The following RNFT2 variants were observed in gnomAD, a reference collection of about 807,000 sequenced individuals.
RNFT2 encodes E3 ubiquitin-protein ligase RNFT2.
Under a neutral mutation model 53.0 loss-of-function variants are expected in RNFT2, and 36 were observed. The ratio of observed to expected loss-of-function variants is 0.68; its 90% CI spans 0.52 to 0.90. RNFT2 has a LOEUF of 0.90. Among genes scored for constraint, RNFT2 ranks in the 40% least tolerant of loss-of-function variants. The pLI is 0.00. For missense variants in RNFT2, 514 were observed against 585.6 expected, an observed-to-expected ratio of 0.88 and a Z score of 1.26; for synonymous variants, 260 against 253.2, an observed-to-expected ratio of 1.03 and a Z score of -0.26.
At chr12:116,756,669 G>C (rs1265921837) in intron 5 of RNFT2, among the ~76,000 whole-genome samples, 1 of 152,134 alleles carries the variant, frequency 6.6e-6, no homozygotes, top group African/African-American at 2.4e-5. Flanking sequence ...TGCATCCCTG[G>C]TATGAAACCC....
intron 7 of RNFT2, among the ~76,000 whole-genome samples, chr12:116,799,608 A>G (rs1411609307): frequency 6.6e-6 from 1 of 152,102 alleles, no homozygotes; most frequent in Admixed American, 6.5e-5. Context: ...TGTGTGTATT[A>G]TGGAAGTTGT....
At chr12:116,779,068 C>G in intron 6 of RNFT2, 127 bp from the exon 7 acceptor site, 1 of 976,200 alleles carries the variant, frequency 1.0e-6, no homozygotes, top group East Asian at 2.4e-5. Context: ...GAAAAGGACA[C>G]AGACGTCTGA....
At chr12:116,847,760 C>G (rs563876939) in intron 10 of RNFT2, among the ~76,000 whole-genome samples, 1 of 152,188 alleles carries the variant, frequency 6.6e-6, no homozygotes, top group East Asian at 1.9e-4. Flanking sequence ...CTCCTGACCT[C>G]GGGTGATCCG....
At chr12:116,817,377 T>G (rs1408429510) in intron 7 of RNFT2, among the ~76,000 whole-genome samples, 2 of 152,192 alleles carry the variant, frequency 1.3e-5, no homozygotes, top group African/African-American at 4.8e-5. Flanking sequence ...CTCAAACTCC[T>G]GGCCTCTAGC....
chr12:116,826,822 G>A (rs1486091324), intron 7 of RNFT2, among the ~76,000 whole-genome samples: 1 of 152,166 alleles, frequency 6.6e-6, no homozygotes, highest in Non-Finnish European at 1.5e-5. Context: ...CTAGATGCTG[G>A]GAATATACCC....
intron 3 of RNFT2, among the ~76,000 whole-genome samples, chr12:116,747,509 A>C (rs1254251359): frequency 6.6e-6 from 1 of 152,078 alleles, no homozygotes; most frequent in Non-Finnish European, 1.5e-5. Flanking sequence ...CCTGGGCAAC[A>C]GAGTGAGACC....
At chr12:116,832,898 C>CTTT (rs71095601) in intron 7 of RNFT2, among the ~76,000 whole-genome samples, 1,602 of 84,590 alleles carry the variant, frequency 0.019, 21 homozygotes, top group Middle Eastern at 0.025. Context: ...AAGTCGTGTT[C>CTTT]TTTTTTTTTT....
At chr12:116,847,771 C>T (rs1877694789) in intron 10 of RNFT2, among the ~76,000 whole-genome samples, 1 of 152,124 alleles carries the variant, frequency 6.6e-6, no homozygotes, top group Non-Finnish European at 1.5e-5. Flanking sequence ...GGGTGATCCG[C>T]CCACCTCAGC....
chr12:116,836,002 C>G lies in RNFT2; in HGVS notation c.1075C>G (p.Leu359Val). 1 of 1,614,018 alleles carries G rather than the reference C, an allele frequency of 6.2e-7. No individual in the cohort carries two copies. Among genetic ancestry groups the G allele is most frequent in the East Asian group, 2.2e-5 (1 of 44,874 alleles). The change falls in exon 9 of 11, where the codon CTG becomes GTG. Residue 359 changes from leucine to valine, a missense_variant. Coordinates refer to ENST00000257575, the MANE Select transcript of RNFT2 (RefSeq NM_001382266.1). ...CGRVGGVRKA[L>V]KLLCTSQNYG... is the part of the protein sequence containing the mutation. ...ACGTGTGGGCGGAGTTAGGAAAGCC[C>G]TGAAGCTTCTCTGTACCTCTCAGGT...
intron 5 of RNFT2, among the ~76,000 whole-genome samples, chr12:116,756,867 C>G (rs1057294586): frequency 6.6e-6 from 1 of 152,140 alleles, no homozygotes; most frequent in East Asian, 1.9e-4. Context: ...AGGGTTCCTT[C>G]TTTCTCTATC....
intron 7 of RNFT2, among the ~76,000 whole-genome samples, chr12:116,790,422 C>A (rs757579637): frequency 1.2e-4 from 18 of 152,126 alleles, no homozygotes; most frequent in Non-Finnish European, 1.9e-4. Context: ...TTAACAGTCC[C>A]AGGAGGGTAG....
chr12:116,853,081 T>C lies in RNFT2; in HGVS notation c.*3633T>C, dbSNP rs1481398895. On this transcript the variant is annotated 3_prime_UTR_variant, in exon 11 of 11. Coordinates refer to ENST00000257575, the MANE Select transcript of RNFT2 (RefSeq NM_001382266.1). ...GGGAACGTCCCATCTGAGGTTTTCT[T>C]CTCGGTGGGGGGATTTAACTTCTGT... The C allele has an allele frequency of 4.8e-6, 2 of 420,138 alleles. No individual in the cohort carries two copies. Among genetic ancestry groups the C allele is most frequent in the Non-Finnish European group, 8.4e-6 (2 of 239,476 alleles). The allele number at this position is 420,138 out of a possible 1,614,324, so 26.0% of individuals were successfully genotyped here.
intron 7 of RNFT2, among the ~76,000 whole-genome samples, chr12:116,830,630 C>T (rs1368681644): frequency 1.3e-5 from 2 of 152,088 alleles, no homozygotes; most frequent in East Asian, 3.9e-4. Flanking sequence ...CAGGGCTGGG[C>T]GCGGTCGCTC....
In RNFT2 at chr12:116,755,503, G is replaced by A. The variant is rs536604143; in HGVS notation, c.627+1443G>A. ...CAGGCTGGCGCTTGAGTTGAACCCA[G>A]GTACCTTTCTCTTCCGCTTCTTTCT... On this transcript the variant is annotated intron_variant, in intron 5 of 10. Coordinates refer to ENST00000257575, the MANE Select transcript of RNFT2 (RefSeq NM_001382266.1). 2.4e-4 allele frequency: 211 copies of A among 896,756 alleles called. 2 individuals are homozygous for A. Among genetic ancestry groups the A allele is most frequent in the South Asian group, 1.6e-3 (120 of 76,672 alleles). The allele number at this position is 896,756 out of a possible 1,614,324, so 55.5% of individuals were successfully genotyped here.
intron 6 of RNFT2, among the ~76,000 whole-genome samples, chr12:116,771,949 G>A (rs1202303454): frequency 1.3e-5 from 2 of 152,322 alleles, no homozygotes; most frequent in Admixed American, 6.5e-5. Flanking sequence ...CATCTCGAAC[G>A]GTCAACAGTT....
intron 7 of RNFT2, among the ~76,000 whole-genome samples, chr12:116,790,707 A>G (rs1566082301): frequency 6.6e-6 from 1 of 152,234 alleles, no homozygotes; most frequent in East Asian, 1.9e-4. Context: ...CTGTTATCCC[A>G]GCACTTTGGG....
rs1195164695 is a variant in RNFT2, at chr12:116,841,956, TATAG to T, written c.1200+5676_1200+5679del. ...ATATAAATATATATATAAATATATATATAGAGAGAGAGAGAGAGAGAGAGAGAGA... is the reference window on the plus strand; with the variant it reads ...ATATAAATATATATATAAATATATATAGAGAGAGAGAGAGAGAGAGAGAGA... On this transcript the variant is annotated intron_variant, in intron 10 of 10. Transcript: ENST00000257575. Among the ~76,000 whole-genome samples, 151 of 17,128 alleles carry T rather than the reference TATAG, an allele frequency of 8.8e-3. 1 individual carries two copies. Among genetic ancestry groups the T allele is most frequent in the East Asian group, 0.039 (18 of 466 alleles). The allele number at this position is 17,128 out of a possible 152,430, so 11.2% of individuals were successfully genotyped here.
intron 6 of RNFT2, among the ~76,000 whole-genome samples, chr12:116,773,860 T>C (rs1873307048): frequency 6.6e-6 from 1 of 152,156 alleles, no homozygotes; most frequent in Non-Finnish European, 1.5e-5. Context: ...ATTTTTAAAA[T>C]GATCATCATG....
rs183834429 is a variant in RNFT2 at position 116,783,323 on chromosome 12, C to T, written c.882+3975C>T. On this transcript the variant is annotated intron_variant, in intron 7 of 10. Transcript: ENST00000257575. ...GCTTTGTGTGCCCCTACACTGGCTT[C>T]GTGTTCTTGGGCTGGCAACCCTAGG... Among the ~76,000 whole-genome samples, 84 of 152,312 alleles carry T rather than the reference C, an allele frequency of 5.5e-4. 2 individuals are homozygous for T. Among genetic ancestry groups the T allele is most frequent in the Admixed American group, 4.3e-3 (66 of 15,304 alleles).
Sources: allele counts gnomAD v4.1 joint callset (sites outside exome capture counted in the v4.1 genomes callset), GRCh38; gene constraint gnomAD v4.1.1; transcripts MANE v1.5; gene names NCBI Gene and HGNC (gene_info 2026-07-23, HGNC 2026-07-21).